DNAI3: variants seen among roughly 807,000 people sequenced by gnomAD.
The protein encoded by DNAI3 is dynein axonemal intermediate chain 3.
A neutral mutation model predicts 115.5 loss-of-function variants in DNAI3; 83 were observed. The ratio of observed to expected loss-of-function variants is 0.72; its 90% CI spans 0.60 to 0.86. The LOEUF (loss-of-function observed/expected upper bound fraction) is 0.86, where lower values mean the gene tolerates loss of function less well. Ranked by LOEUF, DNAI3 falls within the 40% of genes least tolerant of loss-of-function variation. The probability of loss-of-function intolerance (pLI) is 0.00; values close to 1 mark genes in which losing one functional copy is unlikely to be tolerated. For synonymous variants in DNAI3, 320 were observed against 347.0 expected (o/e 0.92, Z 0.86); for missense variants, 1,004 against 1,075.8 (o/e 0.93, Z 0.93).
At position 85,097,695 on chromosome 1, in the gene DNAI3, T is replaced by C. The variant is rs1571178172; in HGVS notation, c.1350+40T>C. Reference sequence around the variant, plus strand: ...ACATTTCACTTGCAAGTTTTTTCCATTGAAGAGTTTATGGAAAAGTACATA... The same window carrying C: ...ACATTTCACTTGCAAGTTTTTTCCACTGAAGAGTTTATGGAAAAGTACATA... On this transcript the variant is annotated intron_variant, in intron 12 of 22. Transcript: ENST00000294664. 5 of 1,563,050 alleles carry C rather than the reference T, an allele frequency of 3.2e-6. No individual in the cohort carries two copies. In the Admixed American group the frequency reaches 9.3e-5, roughly 29 times the overall value.
intron 20 of DNAI3, among the ~76,000 whole-genome samples, chr1:85,127,078 T>C (rs1656169979): frequency 6.6e-6 from 1 of 152,216 alleles, no homozygotes. Flanking sequence ...CGGATCTTTG[T>C]TATCTTTTGC....
At position 85,085,933 on chromosome 1, in the gene DNAI3, G is replaced by C. The variant is rs1407286140; in HGVS notation, c.643G>C (p.Ala215Pro). The change falls in exon 7 of 23, where the codon GCC (alanine) becomes CCC (proline). Residue 215 changes from alanine to proline, a missense_variant. This residue lies in a region of DNAI3 where 550 missense variants were observed against 568.1 expected (regional missense o/e 0.97). Coordinates refer to ENST00000294664, the MANE Select transcript of DNAI3 (RefSeq NM_145172.5). ...SVKDAYIECT[A>P]YPDKNFTLKQ... ...AAAAGATGCCTATATTGAATGTACA[G>C]CCTACCCAGATAAAAATTTTACCCT... 1.2e-6 allele frequency: 2 copies of C among 1,614,004 alleles called. No individual in the cohort carries two copies. The highest frequency in any genetic ancestry group is 2.7e-5 in the African/African-American group (2 of 74,924).
chr1:85,124,369 A>G, intron 19 of DNAI3, 118 bp downstream of exon 19: 1 of 1,389,862 alleles, frequency 7.2e-7, no homozygotes, highest in South Asian at 1.2e-5. Flanking sequence ...GAGAAATTAG[A>G]ACAGATGGCA....
intron 13 of DNAI3, among the ~76,000 whole-genome samples, chr1:85,103,115 CCT>C (rs1655375078): frequency 6.6e-6 from 1 of 152,152 alleles, no homozygotes; most frequent in African/African-American, 2.4e-5. Context: ...CTTCCCCACC[CCT>C]GTTTTCACCT....
intron 13 of DNAI3, among the ~76,000 whole-genome samples, chr1:85,102,888 T>G (rs1424072950): frequency 6.6e-6 from 1 of 152,238 alleles, no homozygotes; most frequent in Non-Finnish European, 1.5e-5. Flanking sequence ...GTTATGTTTT[T>G]GGATTTTTAG....
chr1:85,101,727 CAAAAA>C lies in DNAI3; in HGVS notation c.1480-2776_1480-2772del, dbSNP rs72166976. Among the ~76,000 whole-genome samples the C allele has an allele frequency of 8.3e-4, 12 of 14,440 alleles. No homozygotes were observed. In the South Asian group the frequency reaches 0.031, roughly 37 times the overall value. 9.5% of individuals were successfully genotyped at this position (14,440 alleles called of 152,430 possible). On this transcript the variant is annotated intron_variant, in intron 13 of 22. Coordinates refer to ENST00000294664, the MANE Select transcript of DNAI3 (RefSeq NM_145172.5). ...TGGGCGACAGAGCGAGACTCCATCT[CAAAAA>C]AAAAAAAAAAAAAAAAAAAAGGAAA... is the stretch of plus-strand genomic sequence containing the variant.
At chr1:85,089,955 A>G (rs956530237) in intron 7 of DNAI3, among the ~76,000 whole-genome samples, 161 bp from the exon 8 acceptor site, 1 of 152,158 alleles carries the variant, frequency 6.6e-6, no homozygotes, top group African/African-American at 2.4e-5. Context: ...ATAGTGGTCA[A>G]TATCAGTTGT....
intron 11 of DNAI3, among the ~76,000 whole-genome samples, chr1:85,096,597 A>G (rs817490): frequency 3.3e-5 from 5 of 150,806 alleles, no homozygotes; most frequent in African/African-American, 1.2e-4. Context: ...TCAAATTTAG[A>G]TCCTATCCTC....
At chr1:85,094,290 G>T (rs1226461172) in intron 9 of DNAI3, 141 bp from the exon 10 acceptor site, 5 of 1,154,936 alleles carry the variant, frequency 4.3e-6, no homozygotes, top group Non-Finnish European at 4.9e-6. Flanking sequence ...AACCACATTA[G>T]CCAGCAGAGC....
chr1:85,071,442 TGC>T (rs1401068980), intron 1 of DNAI3, among the ~76,000 whole-genome samples: 1 of 152,238 alleles, frequency 6.6e-6, no homozygotes, highest in Admixed American at 6.5e-5. Context: ...TGTGTTCACA[TGC>T]TGAGATAAAA....
intron 13 of DNAI3, among the ~76,000 whole-genome samples, chr1:85,100,657 T>C (rs1049969144): frequency 1.3e-5 from 2 of 152,122 alleles, no homozygotes; most frequent in Non-Finnish European, 2.9e-5. Flanking sequence ...CATGCTGCTA[T>C]AAAGACACAT....
intron 10 of DNAI3, among the ~76,000 whole-genome samples, chr1:85,095,578 T>A (rs1418696557): frequency 6.6e-6 from 1 of 152,192 alleles, no homozygotes; most frequent in African/African-American, 2.4e-5. Flanking sequence ...GATCCTGTCC[T>A]CACAGAGCTT....
At chr1:85,122,277 A>G (rs1458737077) in intron 18 of DNAI3, among the ~76,000 whole-genome samples, 2 of 152,202 alleles carry the variant, frequency 1.3e-5, no homozygotes, top group African/African-American at 4.8e-5. Flanking sequence ...AGTATGGGAA[A>G]AGGGACTGCA....
intron 15 of DNAI3, among the ~76,000 whole-genome samples, chr1:85,108,588 T>C (rs1427553893): frequency 2.6e-5 from 4 of 152,050 alleles, no homozygotes; most frequent in African/African-American, 9.7e-5. Flanking sequence ...AGTTTCAGAG[T>C]TCCTGGGAGA....
intron 3 of DNAI3, among the ~76,000 whole-genome samples, chr1:85,079,861 G>A (rs1654576119): frequency 6.6e-6 from 1 of 151,890 alleles, no homozygotes; most frequent in African/African-American, 2.4e-5. Context: ...AGCCAGATGG[G>A]AGGAAAGGGA....
chr1:85,073,892 G>A (rs1475053873), intron 3 of DNAI3, among the ~76,000 whole-genome samples: 3 of 152,152 alleles, frequency 2.0e-5, no homozygotes, highest in Non-Finnish European at 4.4e-5. Context: ...CCTGGGCCAG[G>A]GCAGTAGAGG....
chr1:85,081,709 G>T (rs1022042428), intron 4 of DNAI3, among the ~76,000 whole-genome samples: 2 of 152,106 alleles, frequency 1.3e-5, no homozygotes, highest in African/African-American at 4.8e-5. Flanking sequence ...GGCTAGAGAC[G>T]CAATCATGGC....
chr1:85,132,860 A>T lies in DNAI3; in HGVS notation c.2538A>T (p.Thr846=). The change falls in exon 23 of 23, where the codon ACA becomes ACT. Residue 846 remains threonine, a synonymous_variant. Transcript: ENST00000294664. ...TGTTTTTCTTCCCCCCCCAGAAAAC[A>T]TATCAGAAGTCAAAAGAACAAATGC... ...ELEMAKKKVK[T]YQKSKEQMQA... is the part of the protein sequence containing the mutation. The T allele has an allele frequency of 6.2e-7, 1 of 1,612,890 alleles. No individual in the cohort carries two copies. Among genetic ancestry groups the T allele is most frequent in the Non-Finnish European group, 8.5e-7 (1 of 1,179,620 alleles).
chr1:85,097,191 G>A (rs1395142663), intron 11 of DNAI3, among the ~76,000 whole-genome samples: 1 of 152,052 alleles, frequency 6.6e-6, no homozygotes, highest in Non-Finnish European at 1.5e-5. Context: ...TCGGGTGTTT[G>A]TACTCAATTC....
Sources: gnomAD v4.1 joint callset for allele counts (sites outside exome capture counted in the v4.1 genomes callset) on GRCh38, gnomAD v4.1.1 for gene constraint, gnomAD v4.1.1 regional missense constraint, MANE v1.5 for transcripts, NCBI Gene and HGNC (gene_info 2026-07-23, HGNC 2026-07-21) for gene names.